The following MLKL variants were observed in gnomAD, a reference collection of about 807,000 sequenced individuals.
MLKL encodes the protein mixed lineage kinase domain like pseudokinase.
MLKL carries 55 observed loss-of-function variants against 56.5 expected under a neutral mutation model. The observed-to-expected ratio is 0.97, with a 90% confidence interval of 0.78 to 1.22. The LOEUF is 1.22. Among genes scored for constraint, MLKL ranks in the 50% most tolerant of loss-of-function variants. MLKL has a pLI of 0.00. For synonymous variants in MLKL, 251 were observed against 208.3 expected, an observed-to-expected ratio of 1.20 and a Z score of -1.76; for missense variants, 694 against 573.9, an observed-to-expected ratio of 1.21 and a Z score of -2.14.
intron 2 of MLKL, among the ~76,000 whole-genome samples, chr16:74,693,313 C>G (rs979571304): frequency 6.6e-5 from 10 of 151,664 alleles, no homozygotes; most frequent in Non-Finnish European, 1.3e-4. Context: ...ACTAAAAATA[C>G]AAAAATTAGC....
At chr16:74,691,917 C>T (rs1372715642) in intron 3 of MLKL, among the ~76,000 whole-genome samples, 1 of 152,186 alleles carries the variant, frequency 6.6e-6, no homozygotes, top group Non-Finnish European at 1.5e-5. Flanking sequence ...CTCCTCCACC[C>T]CGTGAGCTCC....
intron 4 of MLKL, among the ~76,000 whole-genome samples, chr16:74,687,437 A>G (rs1960401495): frequency 6.6e-6 from 1 of 152,202 alleles, no homozygotes; most frequent in African/African-American, 2.4e-5. Context: ...AAAAACAAAA[A>G]CTGAAATTGA....
At position 74,692,715 on chromosome 16, in the gene MLKL, T is replaced by G. The variant is rs567721743; in HGVS notation, c.461-299A>C. 6.8e-4 allele frequency among the ~76,000 whole-genome samples: 104 copies of G among 152,350 alleles called. 2 individuals carry two copies. In the South Asian group the frequency reaches 0.021, roughly 31 times the overall value. On this transcript the variant is annotated intron_variant, in intron 2 of 10. Transcript: ENST00000308807. ...GGTTCCAACCTGGCTGCTTTGGAAG[T>G]GAGGAAAGTTTGCGTCAACGCAGAA... is the stretch of plus-strand genomic sequence containing the variant.
Position 74,695,778 on chromosome 16 carries a change from A to G in MLKL, c.-2-19T>C, listed in dbSNP as rs1268715785. On this transcript the variant is annotated intron_variant, in intron 1 of 10. Coordinates refer to ENST00000308807, the MANE Select transcript of MLKL (RefSeq NM_152649.4). ...TCCATGCCTGGAAGAAATGAATGGA[A>G]TTTGGTGAAATCCCCAAATCTCCTG... 6.4e-7 allele frequency: 1 copy of G among 1,563,460 alleles called. No homozygotes were observed. Among genetic ancestry groups the G allele is most frequent in the Non-Finnish European group, 8.7e-7 (1 of 1,154,866 alleles).
Position 74,695,233 on chromosome 16 carries a change from T to C in MLKL, c.460+65A>G, listed in dbSNP as rs1960954766. ...AACTTCATCATTGCTGCTCCTTTGG[T>C]AAATTAAAGTGAGACTAAAATGCAT... On this transcript the variant is annotated intron_variant, in intron 2 of 10. Coordinates refer to ENST00000308807, the MANE Select transcript of MLKL (RefSeq NM_152649.4). The C allele has an allele frequency of 2.7e-6, 4 of 1,495,650 alleles. No homozygotes were observed. The East Asian group carries it at 9.1e-5, about 34-fold the overall frequency. 92.6% of individuals were successfully genotyped at this position (1,495,650 alleles called of 1,614,324 possible). A position where few individuals can be genotyped will look rare whatever the true frequency, so the allele number is the denominator to read the frequency against.
chr16:74,675,306 A>C, intron 9 of MLKL, 49 bp downstream of exon 9: 1 of 1,613,402 alleles, frequency 6.2e-7, no homozygotes, highest in African/African-American at 1.3e-5. Context: ...GGTCTACTGG[A>C]AGGGGACCCA....
chr16:74,689,667 G>A (rs1960551841), intron 4 of MLKL, among the ~76,000 whole-genome samples: 1 of 152,118 alleles, frequency 6.6e-6, no homozygotes, highest in African/African-American at 2.4e-5. Flanking sequence ...AACAGTAACA[G>A]TGTGTTACTG....
chr16:74,692,423 G>A lies in MLKL; in HGVS notation c.461-7C>T. 1 of 1,604,088 alleles carries A rather than the reference G, an allele frequency of 6.2e-7. No homozygotes were observed. Among genetic ancestry groups the A allele is most frequent in the Non-Finnish European group, 8.5e-7 (1 of 1,176,346 alleles). On this transcript the variant is annotated splice_polypyrimidine_tract_variant and splice_region_variant and intron_variant, in intron 2 of 10. Coordinates refer to ENST00000308807, the MANE Select transcript of MLKL (RefSeq NM_152649.4). ...GCTTCTATTTTTTCATTATCTGCAG[G>A]AAAAAAGGGCAGTATATGCTCAAAA...
chr16:74,693,973 G>C (rs2144552060), intron 2 of MLKL, among the ~76,000 whole-genome samples: 1 of 152,218 alleles, frequency 6.6e-6, no homozygotes, highest in Non-Finnish European at 1.5e-5. Flanking sequence ...GTATGTATTG[G>C]GTTGTTTTTG....
At chr16:74,687,542 C>T (rs1960407756) in intron 4 of MLKL, among the ~76,000 whole-genome samples, 2 of 152,168 alleles carry the variant, frequency 1.3e-5, no homozygotes, top group African/African-American at 4.8e-5. Context: ...ACTTATACTT[C>T]TCAATTTCAA....
Position 74,695,622 on chromosome 16 carries a change from G to A in MLKL, c.136C>T (p.Gln46Ter). Residue 46 changes from glutamine to a stop codon, truncating the protein, a stop_gained, in exon 2 of 11, where the codon CAG becomes TAG. Transcript: ENST00000308807. LOFTEE classifies it high-confidence loss of function. ...GGCACGCTCCTCTTTCCTTGGTCCTGGAGCATCTCCAGAGGCTTGATCAGG... is the reference window on the plus strand; with the variant it reads ...GGCACGCTCCTCTTTCCTTGGTCCTAGAGCATCTCCAGAGGCTTGATCAGG... ...LGLIKPLEML[Q>*]DQGKRSVPSE... 6.2e-7 allele frequency: 1 copy of A among 1,614,196 alleles called. No homozygotes were observed. The highest frequency in any genetic ancestry group is 8.5e-7 in the Non-Finnish European group (1 of 1,180,042).
At position 74,675,361 on chromosome 16, in the gene MLKL, A is replaced by G; in HGVS notation, c.1234T>C (p.Phe412Leu). 6.2e-7 allele frequency: 1 copy of G among 1,614,150 alleles called. No individual in the cohort carries two copies. Among genetic ancestry groups the G allele is most frequent in the African/African-American group, 1.3e-5 (1 of 75,032 alleles). The change falls in exon 9 of 11, where the codon TTT (phenylalanine) becomes CTT (leucine). Residue 412 changes from phenylalanine (F) to leucine (L), a missense_variant. Physicochemically the swap from Phe to Leu is conservative, Grantham distance 22. Coordinates refer to ENST00000308807, the MANE Select transcript of MLKL (RefSeq NM_152649.4). Reference sequence around the variant, plus strand: ...CAGTCTTCACATTCTTCACCTTGAAACGGGATATCTCCAGTGGCGATTTCC... The same window carrying G: ...CAGTCTTCACATTCTTCACCTTGAAGCGGGATATCTCCAGTGGCGATTTCC... ...LWEIATGDIP[F>L]QGCNSEKIRK...
At position 74,674,980 on chromosome 16, in the gene MLKL, G is replaced by C; in HGVS notation, c.1361C>G (p.Ser454Cys). The C allele has an allele frequency of 6.2e-7, 1 of 1,614,192 alleles. No homozygotes were observed. Among genetic ancestry groups the C allele is most frequent in the Non-Finnish European group, 8.5e-7 (1 of 1,180,046 alleles). ...IIDECRAHDP[S>C]VRPSVDEILK... The stretch of plus-strand genomic sequence containing the variant: ...CCTACCATCCACAGAGGGCCGCACA[G>C]AGGGATCATGGGCCCGGCACTCATC... Residue 454 changes from serine (S) to cysteine (C), a missense_variant, in exon 10 of 11, where the codon TCT becomes TGT. Coordinates refer to ENST00000308807, the MANE Select transcript of MLKL (RefSeq NM_152649.4).
chr16:74,673,756 G>A (rs941072357), intron 10 of MLKL, among the ~76,000 whole-genome samples: 1 of 151,778 alleles, frequency 6.6e-6, no homozygotes, highest in African/African-American at 2.4e-5. Context: ...ACAAGAGAGA[G>A]GAAAAAGAAG....
At chr16:74,696,476 T>G (rs1177065623) in intron 1 of MLKL, among the ~76,000 whole-genome samples, 1 of 151,890 alleles carries the variant, frequency 6.6e-6, no homozygotes, top group Non-Finnish European at 1.5e-5. Context: ...ATTGTTCAGT[T>G]TCTTCCTACA....
chr16:74,674,234 C>A (rs546331191), intron 10 of MLKL, among the ~76,000 whole-genome samples: 6 of 150,598 alleles, frequency 4.0e-5, no homozygotes, highest in South Asian at 4.2e-4. Context: ...GACTCTGCAA[C>A]CTCTGCCTCC....
intron 3 of MLKL, among the ~76,000 whole-genome samples, 190 bp from the exon 4 acceptor site, chr16:74,691,653 GAC>G (rs1473198654): frequency 6.6e-6 from 1 of 152,166 alleles, no homozygotes; most frequent in African/African-American, 2.4e-5. Flanking sequence ...GACCAGTAGA[GAC>G]ACAGCTGGAC....
At chr16:74,688,900 G>A (rs544439477) in intron 4 of MLKL, among the ~76,000 whole-genome samples, 60 of 152,224 alleles carry the variant, frequency 3.9e-4, no homozygotes, top group African/African-American at 1.4e-3. Flanking sequence ...CTATAATATA[G>A]ATGAACCTTG....
At chr16:74,688,497 T>C (rs528893233) in intron 4 of MLKL, among the ~76,000 whole-genome samples, 1 of 152,138 alleles carries the variant, frequency 6.6e-6, no homozygotes, top group African/African-American at 2.4e-5. Context: ...GTGGATTGCT[T>C]GAGGTTAGGA....
Sources: allele counts gnomAD v4.1 joint callset (sites outside exome capture counted in the v4.1 genomes callset), GRCh38; gene constraint gnomAD v4.1.1; transcripts MANE v1.5; gene names NCBI Gene and HGNC (gene_info 2026-07-23, HGNC 2026-07-21).